The following GLUD1 variants were observed in gnomAD, a reference collection of about 807,000 sequenced individuals.
GLUD1 encodes glutamate dehydrogenase 1, mitochondrial.
In GLUD1, 22 loss-of-function variants were observed where a neutral mutation model predicts 56.0. The ratio of observed to expected loss-of-function variants is 0.39; its 90% confidence interval spans 0.28 to 0.56. The LOEUF is 0.56. Ranked by LOEUF, GLUD1 falls within the 20% of genes least tolerant of loss-of-function variation. The pLI is 0.58. For synonymous variants in GLUD1, 223 were observed against 269.9 expected (o/e 0.83, Z 1.70); for missense variants, 451 against 732.0 (o/e 0.62, Z 4.43).
In GLUD1 at chr10:87,061,067, T is replaced by G. The variant is rs1381337958; in HGVS notation, c.922-15A>C. On this transcript the variant is annotated splice_polypyrimidine_tract_variant and intron_variant, in intron 6 of 12. Transcript: ENST00000277865. ...TTACCAAATCCCTGTGAAGAACAAT[T>G]ACCCATAACACAAAAATTAAAGTCC... is the stretch of plus-strand genomic sequence containing the variant. 1.2e-6 allele frequency: 2 copies of G among 1,611,194 alleles called. No individual in the cohort carries two copies. Among genetic ancestry groups the G allele is most frequent in the Admixed American group, 3.3e-5 (2 of 60,020 alleles).
intron 11 of GLUD1, among the ~76,000 whole-genome samples, chr10:87,056,997 G>T (rs1845794204): frequency 6.6e-6 from 1 of 151,702 alleles, no homozygotes. Flanking sequence ...GGGGAGGGGG[G>T]TGGCGGCGGC....
chr10:87,057,997 T>C (rs1216359577), intron 10 of GLUD1, among the ~76,000 whole-genome samples: 1 of 152,010 alleles, frequency 6.6e-6, no homozygotes, highest in Non-Finnish European at 1.5e-5. Context: ...GCCTTGCGAG[T>C]AGCTGGGACT....
At chr10:87,071,257 A>G (rs1846230747) in intron 4 of GLUD1, among the ~76,000 whole-genome samples, 1 of 151,778 alleles carries the variant, frequency 6.6e-6, no homozygotes, top group African/African-American at 2.4e-5. Context: ...CAATGGCATG[A>G]TCTCGGCTCA....
At chr10:87,069,962 C>T (rs1224046306) in intron 4 of GLUD1, among the ~76,000 whole-genome samples, 1 of 152,210 alleles carries the variant, frequency 6.6e-6, no homozygotes, top group Admixed American at 6.5e-5. Context: ...CAAAAGGGCT[C>T]TCTGGCGCTC....
chr10:87,078,513 T>C (rs533905767), intron 1 of GLUD1, among the ~76,000 whole-genome samples: 11 of 152,368 alleles, frequency 7.2e-5, no homozygotes, highest in African/African-American at 2.6e-4. Flanking sequence ...AGGGCAGACT[T>C]TGTTATGTTC....
chr10:87,076,687 G>A (rs777138312), intron 1 of GLUD1, 31 bp from the exon 2 acceptor site: 35 of 1,295,674 alleles, frequency 2.7e-5, no homozygotes, highest in Non-Finnish European at 3.8e-5. Flanking sequence ...ATGTGTTGGG[G>A]TGGGTGAGAA....
intron 1 of GLUD1, among the ~76,000 whole-genome samples, chr10:87,086,981 G>T (rs954225959): frequency 1.3e-5 from 2 of 152,144 alleles, no homozygotes; most frequent in African/African-American, 4.8e-5. Flanking sequence ...GACTACCAGG[G>T]TTAGCACAGA....
chr10:87,069,493 C>T (rs1271410296), intron 4 of GLUD1, among the ~76,000 whole-genome samples: 5 of 138,480 alleles, frequency 3.6e-5, no homozygotes, highest in Non-Finnish European at 6.1e-5. Context: ...CTAGCCTGGG[C>T]GACAGAGTAA....
rs1425553025 is a variant in GLUD1, at chr10:87,050,887, A to C, written c.*864T>G. 2.6e-5 allele frequency: 4 copies of C among 152,252 alleles called. No homozygotes were observed. Among genetic ancestry groups the C allele is most frequent in the Non-Finnish European group, 5.9e-5 (4 of 68,040 alleles). 9.4% of individuals were successfully genotyped at this position (152,252 alleles called of 1,614,324 possible). On this transcript the variant is annotated 3_prime_UTR_variant, in exon 13 of 13. Coordinates refer to ENST00000277865, the MANE Select transcript of GLUD1 (RefSeq NM_005271.5). ...TTAATTAGTCAACCATAGATCTTCA[A>C]AAGAGAACAATTAGTTAACATGATA...
intron 6 of GLUD1, among the ~76,000 whole-genome samples, 172 bp downstream of exon 6, chr10:87,062,484 A>G (rs1443213312): frequency 6.6e-6 from 1 of 152,212 alleles, no homozygotes; most frequent in Non-Finnish European, 1.5e-5. Context: ...TTCTAGTTAC[A>G]TGAATCATAC....
intron 4 of GLUD1, among the ~76,000 whole-genome samples, chr10:87,070,005 T>A (rs143583546): frequency 6.6e-6 from 1 of 152,256 alleles, no homozygotes; most frequent in Admixed American, 6.5e-5. Flanking sequence ...TCCATTCCTT[T>A]AGTGACATAC....
intron 4 of GLUD1, among the ~76,000 whole-genome samples, chr10:87,071,576 G>C (rs1468770620): frequency 6.6e-6 from 1 of 152,202 alleles, no homozygotes; most frequent in African/African-American, 2.4e-5. Context: ...TGTGACTATA[G>C]AGTAGGAGAT....
chr10:87,060,272 C>T (rs182913619), intron 8 of GLUD1, 31 bp from the exon 9 acceptor site: 107 of 1,395,160 alleles, frequency 7.7e-5, no homozygotes, highest in Non-Finnish European at 9.4e-5. Context: ...TAGAGAAATG[C>T]GAACACCACC....
intron 1 of GLUD1, among the ~76,000 whole-genome samples, chr10:87,077,375 T>C (rs1473527412): frequency 6.6e-6 from 1 of 152,104 alleles, no homozygotes; most frequent in Non-Finnish European, 1.5e-5. Context: ...CAAAATACCG[T>C]ATGTCTAAAC....
chr10:87,067,558 T>C (rs954606408), intron 5 of GLUD1, among the ~76,000 whole-genome samples: 4 of 152,226 alleles, frequency 2.6e-5, no homozygotes, highest in Non-Finnish European at 5.9e-5. Context: ...TTTATAAATA[T>C]GCCTTACCTT....
rs564612577 is a variant in GLUD1, at chr10:87,080,853, G to A, written c.446-4197C>T. Among the ~76,000 whole-genome samples the A allele has an allele frequency of 1.2e-3, 185 of 150,148 alleles. 1 individual carries two copies. In the South Asian group the frequency reaches 0.015, roughly 12 times the overall value. On this transcript the variant is annotated intron_variant, in intron 1 of 12. Coordinates refer to ENST00000277865, the MANE Select transcript of GLUD1 (RefSeq NM_005271.5). ...ACCTGTCCGGGAGGGAGGTGGGGGG[G>A]TCAGCCCCCCGCCCGGCCAGCCGCC... is the stretch of plus-strand genomic sequence containing the variant.
chr10:87,068,254 C>T (rs1287189853), intron 4 of GLUD1, 97 bp from the exon 5 acceptor site: 1 of 753,882 alleles, frequency 1.3e-6, no homozygotes, highest in African/African-American at 1.7e-5. Context: ...ACCAAGTTAC[C>T]ATGGCTAGAA....
At chr10:87,085,996 A>G (rs1589382439) in intron 1 of GLUD1, among the ~76,000 whole-genome samples, 2 of 152,386 alleles carry the variant, frequency 1.3e-5, no homozygotes, top group South Asian at 2.1e-4. Context: ...AAAGGTAACA[A>G]TAACTTGTTA....
intron 3 of GLUD1, 90 bp downstream of exon 3, chr10:87,075,878 T>A: frequency 1.1e-6 from 1 of 903,598 alleles, no homozygotes; most frequent in South Asian, 1.3e-5. Flanking sequence ...TGCGCCATTG[T>A]ACTCCGGCCT....
Sources: gnomAD v4.1 joint callset for allele counts (sites outside exome capture counted in the v4.1 genomes callset) on GRCh38, gnomAD v4.1.1 for gene constraint, MANE v1.5 for transcripts, NCBI Gene and HGNC (gene_info 2026-07-23, HGNC 2026-07-21) for gene names.